The following CUX1 variants were observed in gnomAD, a reference collection of about 807,000 sequenced individuals.
CUX1 encodes cut like homeobox 1.
Under a neutral mutation model 158.8 loss-of-function variants are expected in CUX1, and 31 were observed. That is an observed-to-expected ratio of 0.20 (90% CI 0.15 to 0.26). CUX1 has a LOEUF of 0.26. Among genes scored for constraint, CUX1 ranks in the 10% least tolerant of loss-of-function variants. CUX1 has a pLI of 1.00. For synonymous variants in CUX1, 879 were observed against 862.1 expected, an observed-to-expected ratio of 1.02 and a Z score of -0.34; for missense variants, 1,589 against 2,014.6, an observed-to-expected ratio of 0.79 and a Z score of 4.04.
chr7:101,950,199 G>A (rs1056005771), intron 2 of CUX1, among the ~76,000 whole-genome samples: 3 of 152,026 alleles, frequency 2.0e-5, no homozygotes, highest in African/African-American at 4.8e-5. Context: ...TAGTAGAGAC[G>A]AGGTTTCACC....
At chr7:102,113,633 T>C (rs942513349) in intron 7 of CUX1, among the ~76,000 whole-genome samples, 1 of 151,152 alleles carries the variant, frequency 6.6e-6, no homozygotes, top group South Asian at 2.1e-4. Context: ...TCATAGCTCA[T>C]TGCAGCCTCA....
At chr7:102,122,997 G>A (rs1554493938) in intron 8 of CUX1, among the ~76,000 whole-genome samples, 3 of 152,162 alleles carry the variant, frequency 2.0e-5, no homozygotes, top group East Asian at 3.9e-4. Flanking sequence ...CTGGGAGGCC[G>A]AGATGGGTGG....
chr7:102,017,604 G>C (rs927272118), intron 2 of CUX1, among the ~76,000 whole-genome samples: 6 of 152,232 alleles, frequency 3.9e-5, no homozygotes, highest in Non-Finnish European at 2.9e-5. Context: ...CCAGCGCTTC[G>C]GTAGGCCGAG....
rs1462075019 is a variant in CUX1, at chr7:102,249,127, G to A, written c.*85G>A. 18 of 1,174,642 alleles carry A rather than the reference G, an allele frequency of 1.5e-5. No individual in the cohort carries two copies. The South Asian group carries it at 4.0e-4, about 26-fold the overall frequency. 72.8% of individuals were successfully genotyped at this position (1,174,642 alleles called of 1,614,324 possible). A position where few individuals can be genotyped will look rare whatever the true frequency, so the allele number is the denominator to read the frequency against. On this transcript the variant is annotated 3_prime_UTR_variant, in exon 24 of 24. Transcript: ENST00000292535. ...ACGGGGCAGGCGCTGCGGACACCGT[G>A]GCCTGGGCTTGGCCCGCGGCCTGCA...
chr7:102,145,231 G>T (rs1249995503), intron 8 of CUX1, among the ~76,000 whole-genome samples: 1 of 151,924 alleles, frequency 6.6e-6, no homozygotes, highest in Non-Finnish European at 1.5e-5. Flanking sequence ...ATTTGTGCTA[G>T]AAATGGGGTC....
intron 4 of CUX1, among the ~76,000 whole-genome samples, chr7:102,070,633 G>A (rs1327737701): frequency 2.0e-5 from 3 of 152,202 alleles, no homozygotes; most frequent in South Asian, 2.1e-4. Flanking sequence ...AAGTACTCAC[G>A]TAATCTCTAG....
At chr7:102,092,039 C>T (rs748066671) in intron 4 of CUX1, among the ~76,000 whole-genome samples, 9 of 152,324 alleles carry the variant, frequency 5.9e-5, no homozygotes, top group East Asian at 1.9e-4. Context: ...TACAGGCGTG[C>T]GCCATGCCGT....
chr7:102,205,886 C>T (rs1366915075), intron 20 of CUX1, among the ~76,000 whole-genome samples: 4 of 152,138 alleles, frequency 2.6e-5, no homozygotes, highest in Non-Finnish European at 4.4e-5. Context: ...TCTGCGCCCC[C>T]CCGCCTCCCT....
intron 18 of CUX1, among the ~76,000 whole-genome samples, chr7:102,203,419 G>T (rs55961409): frequency 6.6e-6 from 1 of 151,710 alleles, no homozygotes; most frequent in African/African-American, 2.4e-5. Context: ...AGTGTTTGCC[G>T]TATGCTGTGC....
chr7:101,893,852 G>A (rs750599019), intron 1 of CUX1, among the ~76,000 whole-genome samples: 2 of 152,110 alleles, frequency 1.3e-5, no homozygotes, highest in East Asian at 1.9e-4. Context: ...TAAAACCTTC[G>A]GAGATTTAGT....
At chr7:102,263,011 CT>C (rs58568731), downstream of CUX1, among the ~76,000 whole-genome samples, 4,757 of 127,016 alleles carry the variant, frequency 0.037, 78 homozygotes, top group Middle Eastern at 0.061. Flanking sequence ...AAGGGTTAAA[CT>C]TTTTTTTTTT....
At position 102,254,485 on chromosome 7, in the gene CUX1, A is replaced by G. The variant is rs1378712144; in HGVS notation, c.*5443A>G. ...CATCACCCTCTTATCCCAAAAGAAT[A>G]TGCCAGTTCCCATCCAGCACCGAAG... On this transcript the variant is annotated 3_prime_UTR_variant, in exon 24 of 24. Coordinates refer to ENST00000292535, the MANE Select transcript of CUX1 (RefSeq NM_181552.4). 6.1e-6 allele frequency: 6 copies of G among 985,366 alleles called. No homozygotes were observed. Among genetic ancestry groups the G allele is most frequent in the Admixed American group, 6.1e-5 (1 of 16,276 alleles). The allele number at this position is 985,366 out of a possible 1,614,324, so 61.0% of individuals were successfully genotyped here.
chr7:101,990,945 G>A (rs1411720459), intron 2 of CUX1, among the ~76,000 whole-genome samples: 1 of 152,176 alleles, frequency 6.6e-6, no homozygotes, highest in South Asian at 2.1e-4. Context: ...GGAGGGTTTT[G>A]AAATGCTCTT....
chr7:101,853,536 A>G (rs1796485583), intron 1 of CUX1, among the ~76,000 whole-genome samples: 1 of 151,224 alleles, frequency 6.6e-6, no homozygotes, highest in African/African-American at 2.4e-5. Flanking sequence ...TCAAATGCCT[A>G]GTGACGTGTT....
intron 14 of CUX1, among the ~76,000 whole-genome samples, chr7:102,269,873 C>T (rs1791091841): frequency 6.6e-6 from 1 of 152,230 alleles, no homozygotes. Context: ...TCTCCTCAAC[C>T]AGCATATCCA....
chr7:102,163,889 G>T (rs1275216763), intron 9 of CUX1, among the ~76,000 whole-genome samples: 1 of 152,174 alleles, frequency 6.6e-6, no homozygotes, highest in Non-Finnish European at 1.5e-5. Flanking sequence ...GTTCTACGGA[G>T]ACCTGAAGTG....
At chr7:102,189,367 G>C (rs1302872180) in intron 11 of CUX1, among the ~76,000 whole-genome samples, 2 of 144,266 alleles carry the variant, frequency 1.4e-5, no homozygotes, top group African/African-American at 2.7e-5. Flanking sequence ...TTTGGGTGCG[G>C]GGGGGGATGC....
At chr7:101,856,174 C>A (rs1219018244) in intron 1 of CUX1, among the ~76,000 whole-genome samples, 2 of 132,846 alleles carry the variant, frequency 1.5e-5, no homozygotes, top group Non-Finnish European at 3.1e-5. Flanking sequence ...CAGAGTGAGA[C>A]CCTGTCTCAA....
intron 1 of CUX1, among the ~76,000 whole-genome samples, chr7:101,910,416 A>T (rs1803284562): frequency 6.6e-6 from 1 of 152,032 alleles, no homozygotes; most frequent in Admixed American, 6.5e-5. Context: ...AAAGTGCTAG[A>T]ATTACAGGCA....
Sources: allele counts gnomAD v4.1 joint callset (sites outside exome capture counted in the v4.1 genomes callset), GRCh38; gene constraint gnomAD v4.1.1; transcripts MANE v1.5; gene names NCBI Gene and HGNC (gene_info 2026-07-23, HGNC 2026-07-21).